NRG1: variants seen among roughly 807,000 people sequenced by gnomAD.
NRG1 encodes the protein neuregulin 1, also known as pro-neuregulin-1, membrane-bound isoform.
NRG1 carries 18 observed loss-of-function variants against 63.8 expected under a neutral mutation model. That is an observed-to-expected ratio of 0.28 (90% CI 0.19 to 0.42). NRG1 has a LOEUF of 0.42. Ranked by LOEUF, NRG1 falls within the 10% of genes least tolerant of loss-of-function variation. The pLI, the probability that NRG1 is intolerant of heterozygous loss-of-function variation, is 1.00. For synonymous variants in NRG1, 302 were observed against 301.3 expected (o/e 1.00, Z -0.02); for missense variants, 762 against 814.7 (o/e 0.94, Z 0.79).
chr8:32,044,931 A>AAAAG (rs1491195459), intron 1 of NRG1, among the ~76,000 whole-genome samples: 1 of 131,566 alleles, frequency 7.6e-6, no homozygotes, highest in African/African-American at 3.0e-5. Flanking sequence ...AAAAAAAAAA[A>AAAAG]CACACACACA....
chr8:32,266,067 A>G (rs1850902212), intron 1 of NRG1, among the ~76,000 whole-genome samples: 3 of 152,122 alleles, frequency 2.0e-5, no homozygotes, highest in Admixed American at 2.0e-4. Context: ...ATACTAAGAG[A>G]TGATTGTCCA....
intron 1 of NRG1, among the ~76,000 whole-genome samples, chr8:32,098,068 A>G (rs1036952658): frequency 1.3e-5 from 2 of 152,202 alleles, no homozygotes; most frequent in Non-Finnish European, 2.9e-5. Context: ...GAATTCCAGT[A>G]TTAAGAGTTG....
At chr8:31,816,129 A>G (rs556429312) in intron 1 of NRG1, among the ~76,000 whole-genome samples, 114 of 152,210 alleles carry the variant, frequency 7.5e-4, no homozygotes, top group Non-Finnish European at 1.3e-3. Context: ...TCGAAGTCAC[A>G]GTACCTGTAA....
At chr8:32,357,143 G>C (rs965091689) in intron 1 of NRG1, among the ~76,000 whole-genome samples, 5 of 152,168 alleles carry the variant, frequency 3.3e-5, no homozygotes, top group African/African-American at 1.2e-4. Context: ...GTTAACTAGA[G>C]CAACTGAGCC....
rs186543955 is a variant in NRG1 at position 31,931,568 on chromosome 8, G to A, written c.37+292137G>A. On this transcript the variant is annotated intron_variant, in intron 1 of 10. Coordinates refer to the NRG1 transcript ENST00000519301. The stretch of plus-strand genomic sequence containing the variant: ...CGTGATAATTGTCCTAAAGTGCTTA[G>A]CATGGTGTCTAGAACGTATTATGTA... 5.5e-3 allele frequency among the ~76,000 whole-genome samples: 831 copies of A among 152,270 alleles called. 3 individuals are homozygous for A. The highest frequency in any genetic ancestry group is 8.2e-3 in the Non-Finnish European group (559 of 68,030).
intron 5 of NRG1, among the ~76,000 whole-genome samples, chr8:32,718,898 C>G (rs1819936276): frequency 6.6e-6 from 1 of 152,122 alleles, no homozygotes. Context: ...CATTATTTCA[C>G]TGGGTTTTCT....
chr8:31,915,571 A>T (rs559474534), intron 1 of NRG1, among the ~76,000 whole-genome samples: 1 of 152,252 alleles, frequency 6.6e-6, no homozygotes, highest in South Asian at 2.1e-4. Context: ...GCTGTGAACC[A>T]GTTTAGTTTA....
chr8:31,863,813 T>A (rs956303297), intron 1 of NRG1, among the ~76,000 whole-genome samples: 2 of 152,200 alleles, frequency 1.3e-5, no homozygotes, highest in African/African-American at 4.8e-5. Context: ...TTATTTCTTT[T>A]TCAGGATAGG....
intron 1 of NRG1, among the ~76,000 whole-genome samples, chr8:32,420,695 T>C (rs565936494): frequency 9.9e-5 from 15 of 152,222 alleles, no homozygotes; most frequent in African/African-American, 3.4e-4. Flanking sequence ...ATGTAGGGAT[T>C]TGTCAGGTTT....
intron 1 of NRG1, among the ~76,000 whole-genome samples, chr8:32,468,721 AGTTT>A (rs1382973821): frequency 1.8e-5 from 1 of 55,800 alleles, no homozygotes; most frequent in African/African-American, 9.5e-5. Flanking sequence ...TTAACATTAC[AGTTT>A]TTTTTTTTTT....
chr8:31,878,714 A>G (rs1489205049), intron 1 of NRG1, among the ~76,000 whole-genome samples: 1 of 152,174 alleles, frequency 6.6e-6, no homozygotes, highest in Non-Finnish European at 1.5e-5. Context: ...TTCATGAGTC[A>G]TGCAGTTCAT....
In NRG1 at chr8:32,064,191, A is replaced by G. The variant is rs549566408; in HGVS notation, c.37+424760A>G. Among the ~76,000 whole-genome samples the G allele has an allele frequency of 7.9e-5, 12 of 152,228 alleles. No homozygotes were observed. In the East Asian group the frequency reaches 2.3e-3, roughly 29 times the overall value. ...CTATCTTGCCTCACCAGAGCAACAA[A>G]AAGGAGAAGTCATCGGCTAAGCTAG... On this transcript the variant is annotated intron_variant, in intron 1 of 10. Transcript: ENST00000519301.
Position 32,520,890 on chromosome 8 carries a change from C to T in NRG1, c.38-74938C>T, listed in dbSNP as rs190679392. 6.4e-4 allele frequency among the ~76,000 whole-genome samples: 98 copies of T among 152,304 alleles called. 1 individual carries two copies. The highest frequency in any genetic ancestry group is 2.2e-4 in the Non-Finnish European group (15 of 68,034). ...CCAGGGGATCTATGCTGTCTACACT[C>T]CCCACCCTTTAGTCACTTAGTAACC... On this transcript the variant is annotated intron_variant, in intron 1 of 10. Coordinates refer to the NRG1 transcript ENST00000519301.
At chr8:31,774,559 G>A (rs1042965551) in intron 1 of NRG1, among the ~76,000 whole-genome samples, 1 of 152,042 alleles carries the variant, frequency 6.6e-6, no homozygotes, top group Admixed American at 6.6e-5. Context: ...TCAGCCTGAG[G>A]TCAAATCCAA....
chr8:32,284,489 GCCTTCCTT>G (rs367763292), intron 1 of NRG1, among the ~76,000 whole-genome samples: 13,860 of 132,504 alleles, frequency 0.1, 859 homozygotes, highest in East Asian at 0.15. Context: ...CTGCCTGCCT[GCCTTCCTT>G]CCTTCCTTCC....
rs143380574 is a variant in NRG1 at position 32,079,148 on chromosome 8, TACACACACAC to T, written c.37+439741_37+439750del. Among the ~76,000 whole-genome samples, 25 of 145,856 alleles carry T rather than the reference TACACACACAC, an allele frequency of 1.7e-4. No homozygotes were observed. In the East Asian group the frequency reaches 2.4e-3, roughly 14 times the overall value. ...GAATGTTTATGCATGTAGAATGAAA[TACACACACAC>T]ACACACACACACACACACACACATA... On this transcript the variant is annotated intron_variant, in intron 1 of 10. Coordinates refer to the NRG1 transcript ENST00000519301.
At chr8:32,343,097 C>G (rs1014185489) in intron 1 of NRG1, among the ~76,000 whole-genome samples, 5 of 152,130 alleles carry the variant, frequency 3.3e-5, no homozygotes, top group African/African-American at 1.2e-4. Flanking sequence ...ACCATTTCAC[C>G]TGCATTATGC....
intron 1 of NRG1, among the ~76,000 whole-genome samples, chr8:32,035,416 G>T (rs1218417221): frequency 6.6e-6 from 1 of 152,090 alleles, no homozygotes; most frequent in African/African-American, 2.4e-5. Context: ...TGTATATTCT[G>T]TTGTTTTGGG....
intron 1 of NRG1, among the ~76,000 whole-genome samples, chr8:32,079,849 T>A (rs1462883): frequency 6.6e-6 from 1 of 152,114 alleles, no homozygotes; most frequent in African/African-American, 2.4e-5. Flanking sequence ...GGATTTATTA[T>A]GTGTCTGTGG....
Sources: allele counts gnomAD v4.1 joint callset (sites outside exome capture counted in the v4.1 genomes callset), GRCh38; gene constraint gnomAD v4.1.1; transcripts MANE v1.5; gene names NCBI Gene and HGNC (gene_info 2026-07-23, HGNC 2026-07-21).